Variants in SPINDOC observed in about 807,000 individuals in gnomAD.
SPINDOC encodes the protein spindlin interactor and repressor of chromatin-binding protein.
In SPINDOC, 13 loss-of-function variants were observed where a neutral mutation model predicts 30.7. That is an observed-to-expected ratio of 0.42 (90% confidence interval 0.28 to 0.67). The LOEUF is 0.67. Among genes scored for constraint, SPINDOC ranks in the 30% least tolerant of loss-of-function variants. The pLI, the probability that SPINDOC is intolerant of heterozygous loss-of-function variation, is 0.22. For synonymous variants in SPINDOC, 228 were observed against 211.4 expected, an observed-to-expected ratio of 1.08 and a Z score of -0.68; for missense variants, 438 against 518.0, an observed-to-expected ratio of 0.85 and a Z score of 1.50.
rs748355187 is a variant in SPINDOC, at chr11:63,818,512, C to A, written c.608-15C>A. The stretch of plus-strand genomic sequence containing the variant: ...TGGCCTCTTTAAAAGGGTATGAGGT[C>A]TTTTCTTTTTGCAGCTGTCCCTGCC... On this transcript the variant is annotated splice_polypyrimidine_tract_variant and intron_variant, in intron 3 of 5. Coordinates refer to ENST00000294244, the MANE Select transcript of SPINDOC (RefSeq NM_138471.3). This position sits in a 1 kb window ranked among gnomAD's most constrained non-coding sequence, Gnocchi z 5.3. The A allele has an allele frequency of 6.2e-7, 1 of 1,610,346 alleles. No homozygotes were observed. The highest frequency in any genetic ancestry group is 8.5e-7 in the Non-Finnish European group (1 of 1,179,758).
intron 1 of SPINDOC, among the ~76,000 whole-genome samples, chr11:63,814,214 G>T (rs1260516377): frequency 6.6e-6 from 1 of 152,218 alleles, no homozygotes; most frequent in East Asian, 1.9e-4. Context: ...CTGTGTTCTA[G>T]TCCGAGGGGC....
chr11:63,826,295 G>A (rs963530935), intron 5 of SPINDOC, among the ~76,000 whole-genome samples: 12 of 152,214 alleles, frequency 7.9e-5, no homozygotes, highest in Admixed American at 3.3e-4. Context: ...ATGGCTGCAC[G>A]CAGCCACGGC....
At position 63,827,176 on chromosome 11, in the gene SPINDOC, C is replaced by A; in HGVS notation, c.*37C>A. On this transcript the variant is annotated 3_prime_UTR_variant, in exon 6 of 6. Coordinates refer to ENST00000294244, the MANE Select transcript of SPINDOC (RefSeq NM_138471.3). The stretch of plus-strand genomic sequence containing the variant: ...CCTGGGGAGGGAGGGAGGGATGAGG[C>A]AGCGTCCCCCAGTGGCTTATAACTC... 1 of 1,602,288 alleles carries A rather than the reference C, an allele frequency of 6.2e-7. No individual in the cohort carries two copies. The highest frequency in any genetic ancestry group is 8.5e-7 in the Non-Finnish European group (1 of 1,174,364).
In SPINDOC at chr11:63,818,103, G is replaced by A; in HGVS notation, c.426G>A (p.Val142=). 1 of 1,614,126 alleles carries A rather than the reference G, an allele frequency of 6.2e-7. No homozygotes were observed. Residue 142 remains valine (V), a synonymous_variant, in exon 2 of 6, where the codon GTG becomes GTA. Coordinates refer to ENST00000294244, the MANE Select transcript of SPINDOC (RefSeq NM_138471.3). This position sits in a 1 kb window ranked among gnomAD's most constrained non-coding sequence, Gnocchi z 5.3. ...WSEGVALLQD[V]RAEQPSPPNS... ...AAGGGGTGGCCCTCTTGCAAGACGT[G>A]AGAGCTGAGCAGCCGTCCCCACCCA...
rs529965190 is a variant in SPINDOC, at chr11:63,820,764, C to T, written c.934+1762C>T. Among the ~76,000 whole-genome samples the T allele has an allele frequency of 1.2e-3, 187 of 151,248 alleles. 1 individual carries two copies. Among genetic ancestry groups the T allele is most frequent in the African/African-American group, 3.7e-3 (153 of 41,288 alleles). ...AATTAGCCGGGCATGGTGGCGCACG[C>T]CTGTAGTCCCAGCTACACGGGAGGC... On this transcript the variant is annotated intron_variant, in intron 5 of 5. Transcript: ENST00000294244.
chr11:63,820,048 T>G (rs963999178), intron 5 of SPINDOC, among the ~76,000 whole-genome samples: 1 of 152,118 alleles, frequency 6.6e-6, no homozygotes, highest in Non-Finnish European at 1.5e-5. Flanking sequence ...CTCAGTAAAT[T>G]GCCTCATAAC....
Position 63,827,323 on chromosome 11 carries a change from T to G in SPINDOC, c.*184T>G. 1 of 1,158,226 alleles carries G rather than the reference T, an allele frequency of 8.6e-7. No individual in the cohort carries two copies. Among genetic ancestry groups the G allele is most frequent in the South Asian group, 1.5e-5 (1 of 65,312 alleles). 71.7% of individuals were successfully genotyped at this position (1,158,226 alleles called of 1,614,324 possible). A position where few individuals can be genotyped will look rare whatever the true frequency, so the allele number is the denominator to read the frequency against. Reference sequence around the variant, plus strand: ...GAAAGTGTCTGTTCCTGGCCAGGCCTGAGGTCGGCGAGGGTGGCTGAGGCT... The same window carrying G: ...GAAAGTGTCTGTTCCTGGCCAGGCCGGAGGTCGGCGAGGGTGGCTGAGGCT... On this transcript the variant is annotated 3_prime_UTR_variant, in exon 6 of 6. Transcript: ENST00000294244.
chr11:63,818,825 A>C lies in SPINDOC; in HGVS notation c.757A>C (p.Thr253Pro). The change falls in exon 5 of 6, where the codon ACG becomes CCG. Residue 253 changes from threonine (T) to proline (P), a missense_variant. Physicochemically the swap from Thr to Pro is conservative, Grantham distance 38. Transcript: ENST00000294244. The surrounding 1 kb of genome is among the most constrained non-coding windows in gnomAD (Gnocchi z 5.3). ...DPEPPSPDSP[T>P]ETFAAPAEVR... Reference sequence around the variant, plus strand: ...AGAGCCCCCATCGCCAGACTCGCCCACGGAGACTTTCGCAGCACCAGCCGA... The same window carrying C: ...AGAGCCCCCATCGCCAGACTCGCCCCCGGAGACTTTCGCAGCACCAGCCGA... 1 of 1,613,950 alleles carries C rather than the reference A, an allele frequency of 6.2e-7. No individual in the cohort carries two copies. Among genetic ancestry groups the C allele is most frequent in the Non-Finnish European group, 8.5e-7 (1 of 1,180,024 alleles).
At chr11:63,813,902 A>G in intron 1 of SPINDOC, 89 bp downstream of exon 1, 2 of 1,395,044 alleles carry the variant, frequency 1.4e-6, no homozygotes, top group African/African-American at 1.5e-5. Context: ...GGACCCGGGC[A>G]CCTTCTCACC....
chr11:63,826,998 G>T lies in SPINDOC; in HGVS notation c.1005G>T (p.Ala335=). The T allele has an allele frequency of 6.2e-7, 1 of 1,614,030 alleles. No homozygotes were observed. ...VIRVRMEEPP[A]VSLLQDWSRH... Reference sequence around the variant, plus strand: ...GCGTGCGGATGGAGGAGCCCCCAGCGGTCAGCCTCCTGCAAGACTGGTCCA... The same window carrying T: ...GCGTGCGGATGGAGGAGCCCCCAGCTGTCAGCCTCCTGCAAGACTGGTCCA... Residue 335 remains alanine, a synonymous_variant, in exon 6 of 6, where the codon GCG becomes GCT. Coordinates refer to ENST00000294244, the MANE Select transcript of SPINDOC (RefSeq NM_138471.3).
At chr11:63,815,301 G>A (rs529894837) in intron 1 of SPINDOC, among the ~76,000 whole-genome samples, 3 of 152,334 alleles carry the variant, frequency 2.0e-5, no homozygotes, top group South Asian at 2.1e-4. Context: ...GCAAAGGTCC[G>A]GCAGCACAAG....
At chr11:63,819,741 C>T (rs527536173) in intron 5 of SPINDOC, among the ~76,000 whole-genome samples, 6 of 152,234 alleles carry the variant, frequency 3.9e-5, no homozygotes, top group Admixed American at 1.3e-4. Context: ...AGGTGATCCA[C>T]CTGCCTCAGC....
At chr11:63,825,836 C>T (rs1337536117) in intron 5 of SPINDOC, among the ~76,000 whole-genome samples, 1 of 152,110 alleles carries the variant, frequency 6.6e-6, no homozygotes, top group South Asian at 2.1e-4. Flanking sequence ...ATAATCGTGT[C>T]TCTAAAAACA....
rs967335989 is a variant in SPINDOC, at chr11:63,827,125, G to A, written c.1132G>A (p.Gly378Arg). 6.2e-7 allele frequency: 1 copy of A among 1,614,024 alleles called. No individual in the cohort carries two copies. Among genetic ancestry groups the A allele is most frequent in the African/African-American group, 1.3e-5 (1 of 74,928 alleles). Residue 378 changes from glycine (G) to arginine (R), a missense_variant, in exon 6 of 6, where the codon GGG becomes AGG. Coordinates refer to ENST00000294244, the MANE Select transcript of SPINDOC (RefSeq NM_138471.3). ...STTVAGKPEK[G>R]NGV ...CACTGTGGCAGGGAAGCCGGAAAAA[G>A]GGAATGGAGTGTAAATTCTTGCTTT...
At chr11:63,815,172 A>G (rs1295774690) in intron 1 of SPINDOC, among the ~76,000 whole-genome samples, 1 of 152,254 alleles carries the variant, frequency 6.6e-6, no homozygotes, top group East Asian at 1.9e-4. Flanking sequence ...AATTGAATAT[A>G]TCGAGTGGTT....
chr11:63,820,882 T>C (rs1312293937), intron 5 of SPINDOC, among the ~76,000 whole-genome samples: 11 of 29,122 alleles, frequency 3.8e-4, no homozygotes, highest in East Asian at 3.2e-3. Context: ...AGAGCGAAAC[T>C]CCGTCTCAAA....
In SPINDOC at chr11:63,827,428, G is replaced by C; in HGVS notation, c.*289G>C. 2.0e-6 allele frequency: 1 copy of C among 501,472 alleles called. No homozygotes were observed. The highest frequency in any genetic ancestry group is 3.6e-6 in the Non-Finnish European group (1 of 274,678). 31.1% of individuals were successfully genotyped at this position (501,472 alleles called of 1,614,324 possible). A position where few individuals can be genotyped will look rare whatever the true frequency, so the allele number is the denominator to read the frequency against. On this transcript the variant is annotated 3_prime_UTR_variant, in exon 6 of 6. Transcript: ENST00000294244. ...ACCCCCACCTCTGTTTGTCCCCCAT[G>C]ACCTCCTCCCACCCTCCCCCTGCTC...
Position 63,821,039 on chromosome 11 carries a change from G to A in SPINDOC, c.934+2037G>A, listed in dbSNP as rs371852564. ...TGCACTCCAGCCTGGACGACAGAAC[G>A]AGACCCTCTCTAAAAACAAAACAAA... On this transcript the variant is annotated intron_variant, in intron 5 of 5. Transcript: ENST00000294244. Among the ~76,000 whole-genome samples the A allele has an allele frequency of 4.6e-5, 7 of 152,210 alleles. No individual in the cohort carries two copies. The East Asian group carries it at 5.8e-4, about 13-fold the overall frequency.
Position 63,813,738 on chromosome 11 carries a change from A to G in SPINDOC, c.52A>G (p.Lys18Glu). 6.3e-7 allele frequency: 1 copy of G among 1,595,276 alleles called. No individual in the cohort carries two copies. Among genetic ancestry groups the G allele is most frequent in the African/African-American group, 1.4e-5 (1 of 73,350 alleles). ...AALDCFEVTL[K>E]CEEGEDEEEA... ...ACTCGACTGCTTCGAGGTGACGCTGAAATGCGAGGAAGGGGAGGACGAGGA... is the reference window on the plus strand; with the variant it reads ...ACTCGACTGCTTCGAGGTGACGCTGGAATGCGAGGAAGGGGAGGACGAGGA... The change falls in exon 1 of 6, where the codon AAA (lysine) becomes GAA (glutamate). Residue 18 changes from lysine (K) to glutamate (E), a missense_variant. Physicochemically the swap from Lys to Glu is moderately conservative, Grantham distance 56. Coordinates refer to ENST00000294244, the MANE Select transcript of SPINDOC (RefSeq NM_138471.3).
Sources: allele counts gnomAD v4.1 joint callset (sites outside exome capture counted in the v4.1 genomes callset), GRCh38; gene constraint gnomAD v4.1.1; non-coding constraint Gnocchi (gnomAD v3.1); transcripts MANE v1.5; gene names NCBI Gene and HGNC (gene_info 2026-07-23, HGNC 2026-07-21).